The following DCBLD1 variants were observed in gnomAD, a reference collection of about 807,000 sequenced individuals.
DCBLD1 encodes discoidin, CUB and LCCL domain containing 1.
A neutral mutation model predicts 71.5 loss-of-function variants in DCBLD1; 57 were observed. The observed-to-expected ratio is 0.80, with a 90% confidence interval of 0.64 to 0.99. The LOEUF is 0.99. Among genes scored for constraint, DCBLD1 ranks in the 50% least tolerant of loss-of-function variants. The pLI, the probability that DCBLD1 is intolerant of heterozygous loss-of-function variation, is 0.00. For missense variants in DCBLD1, 891 were observed against 923.5 expected (o/e 0.96, Z 0.46); for synonymous variants, 380 against 363.8 (o/e 1.04, Z -0.51).
intron 1 of DCBLD1, among the ~76,000 whole-genome samples, chr6:117,493,730 G>T (rs1456128206): frequency 2.0e-5 from 3 of 152,190 alleles, no homozygotes; most frequent in Non-Finnish European, 2.9e-5. Context: ...TTTGAGGTCA[G>T]ACTAGCTTCA....
chr6:117,565,564 C>T (rs1363737923), intron 14 of DCBLD1, among the ~76,000 whole-genome samples: 2 of 152,070 alleles, frequency 1.3e-5, no homozygotes, highest in African/African-American at 2.4e-5. Context: ...GTAGCAATTC[C>T]AAAAGTTGAC....
intron 6 of DCBLD1, among the ~76,000 whole-genome samples, chr6:117,533,068 C>T (rs2114526024): frequency 6.6e-6 from 1 of 152,248 alleles, no homozygotes. Flanking sequence ...CACATATAAA[C>T]AGGCAGTTCA....
intron 4 of DCBLD1, among the ~76,000 whole-genome samples, 178 bp from the exon 5 acceptor site, chr6:117,525,184 G>A (rs1428376238): frequency 6.6e-6 from 1 of 152,044 alleles, no homozygotes; most frequent in East Asian, 1.9e-4. Flanking sequence ...TTGTATAAAA[G>A]TTGCCTTCAG....
At chr6:117,565,881 A>G (rs1450842858) in intron 14 of DCBLD1, among the ~76,000 whole-genome samples, 2 of 152,168 alleles carry the variant, frequency 1.3e-5, no homozygotes, top group Non-Finnish European at 2.9e-5. Context: ...TAGTTCAGTC[A>G]CTTATGTACT....
At position 117,545,429 on chromosome 6, in the gene DCBLD1, G is replaced by A. The variant is rs371514409; in HGVS notation, c.1496-49G>A. On this transcript the variant is annotated intron_variant, in intron 13 of 14. Transcript: ENST00000338728. ...TCAAGGAACATGTTCTGGAGGACGCGCATTACATTTCTGACATATTCATTT... is the reference window on the plus strand; with the variant it reads ...TCAAGGAACATGTTCTGGAGGACGCACATTACATTTCTGACATATTCATTT... The A allele has an allele frequency of 1.1e-4, 176 of 1,601,190 alleles. 2 individuals carry two copies. The East Asian group carries it at 2.1e-3, about 19-fold the overall frequency.
At position 117,521,510 on chromosome 6, in the gene DCBLD1, C is replaced by G. The variant is rs1778384582; in HGVS notation, c.461-15C>G. On this transcript the variant is annotated splice_polypyrimidine_tract_variant and intron_variant, in intron 3 of 14. Coordinates refer to ENST00000338728, the MANE Select transcript of DCBLD1 (RefSeq NM_001366458.2). ...TATTCATTCTATTAATTGCAATTAT[C>G]TTTATTTATGACAGATTTAATAACA... is the stretch of plus-strand genomic sequence containing the variant. 2.6e-6 allele frequency: 4 copies of G among 1,565,646 alleles called. No homozygotes were observed. In the East Asian group the frequency reaches 9.3e-5, roughly 36 times the overall value.
intron 5 of DCBLD1, among the ~76,000 whole-genome samples, chr6:117,531,824 C>A (rs1391373654): frequency 6.6e-6 from 1 of 152,186 alleles, no homozygotes. Context: ...GTATAAGAAA[C>A]TGGATCTGTT....
intron 1 of DCBLD1, among the ~76,000 whole-genome samples, chr6:117,489,864 GAC>G (rs1284957000): frequency 2.6e-5 from 4 of 152,172 alleles, no homozygotes; most frequent in Non-Finnish European, 4.4e-5. Context: ...CAGCCTGGGT[GAC>G]AGAGCGAGAC....
intron 2 of DCBLD1, among the ~76,000 whole-genome samples, chr6:117,513,566 T>C (rs1465966938): frequency 2.6e-5 from 4 of 152,254 alleles, no homozygotes; most frequent in African/African-American, 7.2e-5. Context: ...TGGGAATTTG[T>C]GACTGCAAAG....
At chr6:117,517,047 T>C (rs1307828967) in intron 2 of DCBLD1, among the ~76,000 whole-genome samples, 1 of 152,188 alleles carries the variant, frequency 6.6e-6, no homozygotes, top group East Asian at 1.9e-4. Flanking sequence ...CCCAAAGTCT[T>C]AACTCATTTC....
intron 1 of DCBLD1, among the ~76,000 whole-genome samples, chr6:117,492,892 C>T (rs1319308427): frequency 2.0e-5 from 3 of 152,188 alleles, no homozygotes; most frequent in African/African-American, 7.2e-5. Flanking sequence ...CAAAGCTTCC[C>T]ATCCTATTTC....
At chr6:117,545,354 A>C (rs1779231905) in intron 13 of DCBLD1, 124 bp from the exon 14 acceptor site, 4 of 1,283,640 alleles carry the variant, frequency 3.1e-6, no homozygotes, top group Non-Finnish European at 4.4e-6. Context: ...ACACCTGAGG[A>C]GGACATTGAT....
chr6:117,525,466 A>G, intron 5 of DCBLD1, 32 bp downstream of exon 5: 2 of 1,426,116 alleles, frequency 1.4e-6, no homozygotes, highest in Non-Finnish European at 1.8e-6. Context: ...CAGAGAATGA[A>G]TTAAAAGGAG....
At position 117,569,517 on chromosome 6, in the gene DCBLD1, A is replaced by G. The variant is rs916381660; in HGVS notation, c.1616-103A>G. The G allele has an allele frequency of 1.9e-6, 3 of 1,595,738 alleles. No individual in the cohort carries two copies. The African/African-American group carries it at 4.1e-5, about 22-fold the overall frequency. ...CTTCGTAGGGAAGTATACAGTGTTC[A>G]ATAGATTCATAACCAATTGATAGAT... On this transcript the variant is annotated intron_variant, in intron 14 of 14. Transcript: ENST00000296955.
At chr6:117,549,829 C>T (rs1779396160), downstream of DCBLD1, 4 of 985,220 alleles carry the variant, frequency 4.1e-6, no homozygotes, top group Middle Eastern at 5.2e-4. Flanking sequence ...CAGCCCTGCT[C>T]GCTGGGGTGT....
At chr6:117,538,930 T>G in intron 8 of DCBLD1, 95 bp downstream of exon 8, 1 of 1,241,814 alleles carries the variant, frequency 8.1e-7, no homozygotes, top group Non-Finnish European at 1.1e-6. Flanking sequence ...CATAGGTGCT[T>G]CTCTACCTAC....
At position 117,563,860 on chromosome 6, in the gene DCBLD1, CAG is replaced by C. The variant is rs1246657985; in HGVS notation, c.1616-5759_1616-5758del. Among the ~76,000 whole-genome samples the C allele has an allele frequency of 2.0e-5, 3 of 152,056 alleles. 1 individual carries two copies. Among genetic ancestry groups the C allele is most frequent in the Admixed American group, 1.3e-4 (2 of 15,276 alleles). On this transcript the variant is annotated intron_variant, in intron 14 of 14. Transcript: ENST00000296955. ...TATTAATCAAATCAGTAATTCCTAA[CAG>C]GGGAATTCTTCCCTCTTATGGCAGG...
At chr6:117,557,270 A>T (rs1040796765) in intron 14 of DCBLD1, among the ~76,000 whole-genome samples, 1 of 152,168 alleles carries the variant, frequency 6.6e-6, no homozygotes, top group Non-Finnish European at 1.5e-5. Flanking sequence ...GTCTGTTTTT[A>T]AAAAATATAA....
chr6:117,490,479 A>G (rs1446568858), intron 1 of DCBLD1, among the ~76,000 whole-genome samples: 10 of 152,324 alleles, frequency 6.6e-5, no homozygotes, highest in Admixed American at 3.9e-4. Context: ...TGTCTCGTCA[A>G]TGTTTTTGTT....
Sources: gnomAD v4.1 joint callset for allele counts (sites outside exome capture counted in the v4.1 genomes callset) on GRCh38, gnomAD v4.1.1 for gene constraint, MANE v1.5 for transcripts, NCBI Gene and HGNC (gene_info 2026-07-23, HGNC 2026-07-21) for gene names.